RTN4RL1: variants seen among roughly 807,000 people sequenced by gnomAD.
The protein encoded by RTN4RL1 is reticulon-4 receptor-like 1.
A neutral mutation model predicts 25.6 loss-of-function variants in RTN4RL1; 7 were observed. The ratio of observed to expected loss-of-function variants is 0.27; its 90% CI spans 0.16 to 0.51. RTN4RL1 has a LOEUF of 0.51. RTN4RL1 is among the 20% of genes least tolerant of loss of function. RTN4RL1 has a pLI of 0.97. For synonymous variants in RTN4RL1, 297 were observed against 288.2 expected (o/e 1.03, Z -0.31); for missense variants, 500 against 615.6 (o/e 0.81, Z 1.99).
At chr17:1,970,019 C>CTTTTT (rs59804703) in intron 1 of RTN4RL1, among the ~76,000 whole-genome samples, 50 of 72,144 alleles carry the variant, frequency 6.9e-4, no homozygotes, top group South Asian at 2.7e-3. Context: ...CTCTCTCTCT[C>CTTTTT]TTTTTTTTTT....
At chr17:1,938,849 A>G (rs8072606) in intron 1 of RTN4RL1, among the ~76,000 whole-genome samples, 149,076 of 151,148 alleles carry the variant, frequency 0.99, 73,570 homozygotes, top group Middle Eastern at 1. Context: ...TCAGGAGTTC[A>G]ACACCACCCT....
chr17:1,985,402 G>A (rs2066883506), intron 1 of RTN4RL1, among the ~76,000 whole-genome samples: 1 of 152,220 alleles, frequency 6.6e-6, no homozygotes, highest in Non-Finnish European at 1.5e-5. Flanking sequence ...CCGCCTGGCA[G>A]ATGGGAAACG....
chr17:1,966,779 A>G (rs139242001), intron 1 of RTN4RL1, among the ~76,000 whole-genome samples: 1 of 151,996 alleles, frequency 6.6e-6, no homozygotes, highest in Non-Finnish European at 1.5e-5. Context: ...TGGAGCCACT[A>G]CTGGTTCCTG....
chr17:1,967,440 C>T (rs1479118821), intron 1 of RTN4RL1, among the ~76,000 whole-genome samples: 1 of 152,060 alleles, frequency 6.6e-6, no homozygotes, highest in African/African-American at 2.4e-5. Context: ...CAAGCCTCTC[C>T]CCTTGAACCA....
chr17:2,000,626 T>A (rs1314143900), intron 1 of RTN4RL1, among the ~76,000 whole-genome samples: 2 of 152,092 alleles, frequency 1.3e-5, no homozygotes, highest in African/African-American at 4.8e-5. Context: ...TTCAAGTCAT[T>A]CTCCTGCCTC....
chr17:1,938,779 G>A (rs905411974), intron 1 of RTN4RL1, among the ~76,000 whole-genome samples: 78 of 151,304 alleles, frequency 5.2e-4, no homozygotes, highest in Non-Finnish European at 8.9e-4. Context: ...GGCCGGGCGC[G>A]GTGGCTCACG....
chr17:2,014,264 GA>G (rs2067090271), intron 1 of RTN4RL1, among the ~76,000 whole-genome samples: 1 of 152,194 alleles, frequency 6.6e-6, no homozygotes, highest in Admixed American at 6.6e-5. Context: ...ACAGGGTGGA[GA>G]AGTTGCAGTC....
chr17:1,997,480 G>A (rs1025499016), intron 1 of RTN4RL1, among the ~76,000 whole-genome samples: 1 of 152,194 alleles, frequency 6.6e-6, no homozygotes, highest in Non-Finnish European at 1.5e-5. Context: ...TCGCTCTCTG[G>A]AATGCGATCC....
chr17:1,951,292 C>G (rs1019181213), intron 1 of RTN4RL1, among the ~76,000 whole-genome samples: 13 of 151,638 alleles, frequency 8.6e-5, no homozygotes, highest in South Asian at 2.1e-4. Context: ...ATTTTATTAA[C>G]AAAAAATAGT....
intron 1 of RTN4RL1, among the ~76,000 whole-genome samples, chr17:1,945,466 C>T (rs188044952): frequency 1.1e-3 from 166 of 152,266 alleles, no homozygotes; most frequent in African/African-American, 3.7e-3. Flanking sequence ...CTTGATCCAC[C>T]GCCTTGGCCT....
intron 1 of RTN4RL1, among the ~76,000 whole-genome samples, chr17:1,949,394 G>C (rs1394573434): frequency 6.6e-6 from 1 of 152,204 alleles, no homozygotes; most frequent in East Asian, 1.9e-4. Flanking sequence ...ACAACGCCTG[G>C]CCAAGACCCA....
At chr17:1,957,637 T>C (rs1915818505) in intron 1 of RTN4RL1, among the ~76,000 whole-genome samples, 1 of 151,736 alleles carries the variant, frequency 6.6e-6, no homozygotes. Context: ...GGTCAGGAGA[T>C]TGACACCAGC....
chr17:2,013,110 G>A (rs2067070667), intron 1 of RTN4RL1, among the ~76,000 whole-genome samples: 2 of 152,084 alleles, frequency 1.3e-5, no homozygotes, highest in Admixed American at 1.3e-4. Flanking sequence ...GTTCTATTTT[G>A]TGCAGGATGC....
At chr17:1,965,650 A>C (rs1221369660) in intron 1 of RTN4RL1, among the ~76,000 whole-genome samples, 1 of 152,116 alleles carries the variant, frequency 6.6e-6, no homozygotes, top group Non-Finnish European at 1.5e-5. Context: ...GGCGACCCTC[A>C]GGGGTGCAAA....
chr17:2,023,097 C>G (rs529495768), intron 1 of RTN4RL1, among the ~76,000 whole-genome samples: 1 of 152,112 alleles, frequency 6.6e-6, no homozygotes, highest in Non-Finnish European at 1.5e-5. Context: ...GACAAAAGAC[C>G]AAAAGGGAAA....
chr17:2,006,675 C>T (rs770908291), intron 1 of RTN4RL1, among the ~76,000 whole-genome samples: 41 of 152,206 alleles, frequency 2.7e-4, no homozygotes, highest in Admixed American at 3.9e-4. Flanking sequence ...GGCTGGAGTG[C>T]AGTCGCACGA....
At chr17:1,976,946 C>T (rs1483171256) in intron 1 of RTN4RL1, among the ~76,000 whole-genome samples, 1 of 152,218 alleles carries the variant, frequency 6.6e-6, no homozygotes, top group African/African-American at 2.4e-5. Flanking sequence ...AGTCCAGGTA[C>T]AGTGCTTAGC....
chr17:1,995,444 A>C (rs1186306300), intron 1 of RTN4RL1, among the ~76,000 whole-genome samples: 1 of 151,538 alleles, frequency 6.6e-6, no homozygotes, highest in Non-Finnish European at 1.5e-5. Context: ...AAAAAAAAAA[A>C]AAGATAGGCA....
chr17:2,002,499 A>G (rs2066965998), intron 1 of RTN4RL1, among the ~76,000 whole-genome samples: 3 of 150,430 alleles, frequency 2.0e-5, no homozygotes, highest in South Asian at 2.1e-4. Flanking sequence ...TCACCGTGTT[A>G]GCCAGGATGG....
Sources: allele counts gnomAD v4.1 joint callset (sites outside exome capture counted in the v4.1 genomes callset), GRCh38; gene constraint gnomAD v4.1.1; transcripts MANE v1.5; gene names NCBI Gene and HGNC (gene_info 2026-07-23, HGNC 2026-07-21).